Variants in NRG1 observed in about 807,000 individuals in gnomAD.
NRG1 encodes the protein neuregulin 1, also known as pro-neuregulin-1, membrane-bound isoform.
Under a neutral mutation model 63.8 loss-of-function variants are expected in NRG1, and 18 were observed. The observed-to-expected ratio is 0.28, with a 90% CI of 0.19 to 0.42. The LOEUF (loss-of-function observed/expected upper bound fraction) is 0.42, where lower values mean the gene tolerates loss of function less well. NRG1 is among the 10% of genes least tolerant of loss of function. The pLI is 1.00. For missense variants in NRG1, 762 were observed against 814.7 expected (o/e 0.94, Z 0.79); for synonymous variants, 302 against 301.3 (o/e 1.00, Z -0.02).
chr8:32,642,032 T>G (rs1292352818), intron 5 of NRG1, among the ~76,000 whole-genome samples: 1 of 152,146 alleles, frequency 6.6e-6, no homozygotes, highest in East Asian at 1.9e-4. Context: ...GGATCTGTGG[T>G]AGTTGAGTTT....
chr8:31,989,851 G>A (rs1233261053), intron 1 of NRG1, among the ~76,000 whole-genome samples: 1 of 152,028 alleles, frequency 6.6e-6, no homozygotes, highest in Non-Finnish European at 1.5e-5. Flanking sequence ...AATTTCTCTT[G>A]CTTGTTGATA....
intron 1 of NRG1, among the ~76,000 whole-genome samples, chr8:32,117,061 G>A (rs565281936): frequency 6.6e-5 from 10 of 150,778 alleles, no homozygotes; most frequent in Non-Finnish European, 1.0e-4. Context: ...AGGATTGCTT[G>A]AGCCCAGGAG....
intron 1 of NRG1, among the ~76,000 whole-genome samples, chr8:32,200,650 A>G (rs1285228651): frequency 6.6e-6 from 1 of 152,186 alleles, no homozygotes. Flanking sequence ...AGCTTATCAC[A>G]AGGGGATCAG....
intron 1 of NRG1, among the ~76,000 whole-genome samples, chr8:31,661,798 T>C (rs1003617590): frequency 1.3e-5 from 2 of 152,198 alleles, no homozygotes; most frequent in Non-Finnish European, 2.9e-5. Flanking sequence ...TGACTTAGGA[T>C]CTCCATATTC....
intron 1 of NRG1, among the ~76,000 whole-genome samples, chr8:31,926,598 T>C (rs1834377064): frequency 6.6e-6 from 1 of 152,088 alleles, no homozygotes; most frequent in Non-Finnish European, 1.5e-5. Context: ...TGAACAACAA[T>C]ATCCTCATAT....
At chr8:32,478,476 G>A (rs532659284) in intron 1 of NRG1, among the ~76,000 whole-genome samples, 27 of 152,252 alleles carry the variant, frequency 1.8e-4, no homozygotes, top group African/African-American at 4.8e-4. Context: ...TTTGTTTTAC[G>A]TATTATTTAT....
intron 1 of NRG1, among the ~76,000 whole-genome samples, chr8:31,693,945 C>CT (rs1341220358): frequency 1.3e-5 from 2 of 152,104 alleles, no homozygotes; most frequent in Admixed American, 1.3e-4. Flanking sequence ...TCAAGCCATC[C>CT]TCCCACCTTA....
chr8:32,343,226 A>G (rs1586930737), intron 1 of NRG1, among the ~76,000 whole-genome samples: 1 of 152,346 alleles, frequency 6.6e-6, no homozygotes, highest in East Asian at 1.9e-4. Context: ...AAATGTACAT[A>G]ATTAATATTT....
chr8:32,735,477 G>A (rs561056997), intron 6 of NRG1, among the ~76,000 whole-genome samples: 2 of 152,252 alleles, frequency 1.3e-5, no homozygotes, highest in South Asian at 4.1e-4. Context: ...AGGAAAAAGT[G>A]AATATTTAGA....
chr8:32,510,704 A>G (rs996623347), intron 1 of NRG1, among the ~76,000 whole-genome samples: 1 of 152,046 alleles, frequency 6.6e-6, no homozygotes, highest in Admixed American at 6.5e-5. Context: ...TCAGCCAGGC[A>G]CCCAGAAGCC....
At chr8:31,803,181 A>G (rs993602991) in intron 1 of NRG1, among the ~76,000 whole-genome samples, 29 of 152,218 alleles carry the variant, frequency 1.9e-4, no homozygotes, top group African/African-American at 6.5e-4. Context: ...GGAGTATAAT[A>G]GGGAAACCTA....
chr8:32,668,874 T>C (rs1804895504), intron 5 of NRG1, among the ~76,000 whole-genome samples: 1 of 152,222 alleles, frequency 6.6e-6, no homozygotes, highest in Admixed American at 6.5e-5. Context: ...CTAGCAACAT[T>C]AAAAATCTTT....
At chr8:31,855,786 G>A (rs1267583983) in intron 1 of NRG1, among the ~76,000 whole-genome samples, 1 of 151,996 alleles carries the variant, frequency 6.6e-6, no homozygotes, top group Non-Finnish European at 1.5e-5. Flanking sequence ...CTTCCTTCAG[G>A]AGCTCTTTTA....
At chr8:32,551,215 C>T (rs879903041) in intron 1 of NRG1, among the ~76,000 whole-genome samples, 8 of 152,174 alleles carry the variant, frequency 5.3e-5, no homozygotes, top group Non-Finnish European at 1.2e-4. Flanking sequence ...AAGGAACGAC[C>T]TATAGATGCC....
chr8:31,733,861 G>GT (rs1412057198), intron 1 of NRG1, among the ~76,000 whole-genome samples: 11 of 152,172 alleles, frequency 7.2e-5, no homozygotes, highest in African/African-American at 2.7e-4. Flanking sequence ...TTTGAAAGAT[G>GT]TAAGTTTTCC....
chr8:32,036,495 G>C (rs1819080067), intron 1 of NRG1, among the ~76,000 whole-genome samples: 1 of 152,118 alleles, frequency 6.6e-6, no homozygotes, highest in South Asian at 2.1e-4. Context: ...GGTTGGGGAA[G>C]TTCTCCTGGG....
At chr8:32,702,257 T>C (rs1352204318) in intron 5 of NRG1, among the ~76,000 whole-genome samples, 1 of 152,228 alleles carries the variant, frequency 6.6e-6, no homozygotes, top group African/African-American at 2.4e-5. Context: ...ATCACTCTCA[T>C]GTATTTCCGT....
chr8:32,129,099 A>G (rs993563056), intron 1 of NRG1, among the ~76,000 whole-genome samples: 1 of 151,940 alleles, frequency 6.6e-6, no homozygotes, highest in Non-Finnish European at 1.5e-5. Context: ...TTTTTCCTCC[A>G]TAAGAGCACA....
At chr8:32,359,229 A>G in intron 1 of NRG1, among the ~76,000 whole-genome samples, 1 of 152,200 alleles carries the variant, frequency 6.6e-6, no homozygotes, top group East Asian at 1.9e-4. Flanking sequence ...AGGATTTTTA[A>G]TTAGATAAGG....
Sources: allele counts gnomAD v4.1 joint callset (sites outside exome capture counted in the v4.1 genomes callset), GRCh38; gene constraint gnomAD v4.1.1; transcripts MANE v1.5; gene names NCBI Gene and HGNC (gene_info 2026-07-23, HGNC 2026-07-21).